Variants in PACRG observed in about 807,000 individuals in gnomAD.
The protein encoded by PACRG is parkin coregulated.
Under a neutral mutation model 29.7 loss-of-function variants are expected in PACRG, and 29 were observed. The observed-to-expected ratio is 0.98, with a 90% CI of 0.73 to 1.33. The LOEUF (loss-of-function observed/expected upper bound fraction) is 1.33. PACRG is among the 40% of genes most tolerant of loss of function. The pLI is 0.00. For synonymous variants in PACRG, 116 were observed against 118.7 expected (o/e 0.98, Z 0.15); for missense variants, 279 against 316.2 (o/e 0.88, Z 0.89).
intron 2 of PACRG, among the ~76,000 whole-genome samples, chr6:162,950,749 T>C (rs1025598661): frequency 6.6e-6 from 1 of 152,218 alleles, no homozygotes; most frequent in Non-Finnish European, 1.5e-5. Flanking sequence ...TACAAACTGA[T>C]ATTTTAAACT....
chr6:162,810,992 CG>C (rs1365121092), intron 1 of PACRG, among the ~76,000 whole-genome samples: 1 of 151,956 alleles, frequency 6.6e-6, no homozygotes, highest in African/African-American at 2.4e-5. Context: ...AAAGGCACAT[CG>C]TAATTAAACT....
At chr6:162,845,916 A>G (rs893517426) in intron 2 of PACRG, among the ~76,000 whole-genome samples, 2 of 152,190 alleles carry the variant, frequency 1.3e-5, no homozygotes, top group Admixed American at 6.5e-5. Context: ...ATCATTAGAG[A>G]GTTGCTGTGT....
chr6:163,007,563 T>C (rs191384134), intron 2 of PACRG, among the ~76,000 whole-genome samples: 1 of 152,282 alleles, frequency 6.6e-6, no homozygotes, highest in African/African-American at 2.4e-5. Flanking sequence ...TGGACTCTGC[T>C]GGGATCCCCT....
intron 2 of PACRG, among the ~76,000 whole-genome samples, chr6:162,999,843 C>G (rs1403058308): frequency 1.3e-5 from 2 of 152,128 alleles, no homozygotes; most frequent in Non-Finnish European, 2.9e-5. Context: ...ATTTTGCAGT[C>G]TTTAGTGTGA....
chr6:162,918,562 G>A (rs1051652926), intron 2 of PACRG, among the ~76,000 whole-genome samples: 1 of 152,138 alleles, frequency 6.6e-6, no homozygotes, highest in Non-Finnish European at 1.5e-5. Context: ...AGTATGCTGG[G>A]GAGGAGCATA....
rs546070748 is a variant in PACRG at position 162,733,674 on chromosome 6, A to G, written c.156+5283A>G. The stretch of plus-strand genomic sequence containing the variant: ...CTGCCCACCCTTGCTGCTTTATGCA[A>G]CTCTGCTGGCCCTGCCTCCGGAACT... On this transcript the variant is annotated intron_variant, in intron 1 of 4. Coordinates refer to ENST00000366888, the MANE Select transcript of PACRG (RefSeq NM_001080379.2). 4.0e-5 allele frequency among the ~76,000 whole-genome samples: 6 copies of G among 151,858 alleles called. No individual in the cohort carries two copies. The South Asian group carries it at 8.3e-4, about 21-fold the overall frequency.
chr6:163,296,405 C>G (rs1235641158), intron 4 of PACRG, among the ~76,000 whole-genome samples: 1 of 152,146 alleles, frequency 6.6e-6, no homozygotes, highest in Non-Finnish European at 1.5e-5. Flanking sequence ...AAGCAGTTCT[C>G]TGCCTCAGCC....
Position 162,920,285 on chromosome 6 carries a change from C to G in PACRG, c.291+106004C>G, listed in dbSNP as rs145942462. 3.5e-3 allele frequency among the ~76,000 whole-genome samples: 528 copies of G among 152,196 alleles called. 5 individuals are homozygous for G. Among genetic ancestry groups the G allele is most frequent in the African/African-American group, 0.011 (475 of 41,534 alleles). ...GCACAATTAATTAAACTCCCCGAAGCCTGAATGCTTTTGTCTGACAAAAGA... is the reference window on the plus strand; with the variant it reads ...GCACAATTAATTAAACTCCCCGAAGGCTGAATGCTTTTGTCTGACAAAAGA... On this transcript the variant is annotated intron_variant, in intron 2 of 4. Transcript: ENST00000366888.
chr6:163,070,797 G>A (rs527730614), intron 3 of PACRG, among the ~76,000 whole-genome samples: 1 of 151,416 alleles, frequency 6.6e-6, no homozygotes, highest in Admixed American at 6.6e-5. Flanking sequence ...CTAATGATCT[G>A]TTACAAAAAA....
rs1779159015 is a variant in PACRG, at chr6:163,172,993, G to A, written c.613+83585G>A. On this transcript the variant is annotated intron_variant, in intron 4 of 4. Coordinates refer to ENST00000366888, the MANE Select transcript of PACRG (RefSeq NM_001080379.2). Reference sequence around the variant, plus strand: ...GAATATTATATCACCATTTAAATGAGTGGAGAGTATCTAAGAACATGATAA... The same window carrying A: ...GAATATTATATCACCATTTAAATGAATGGAGAGTATCTAAGAACATGATAA... Among the ~76,000 whole-genome samples, 4 of 152,214 alleles carry A rather than the reference G, an allele frequency of 2.6e-5. No homozygotes were observed. In the South Asian group the frequency reaches 8.3e-4, roughly 32 times the overall value.
chr6:163,257,545 G>C (rs748080715), intron 4 of PACRG, among the ~76,000 whole-genome samples: 2 of 152,058 alleles, frequency 1.3e-5, no homozygotes, highest in African/African-American at 2.4e-5. Context: ...ATCAAACTAC[G>C]TTCATTGCTG....
chr6:162,821,562 A>G (rs1022725879), intron 2 of PACRG, among the ~76,000 whole-genome samples: 21 of 152,176 alleles, frequency 1.4e-4, no homozygotes, highest in African/African-American at 5.1e-4. Context: ...TGCCAAAGCT[A>G]AGCTGCCACC....
At chr6:163,044,835 A>G (rs949702655) in intron 2 of PACRG, 1 of 152,274 alleles carries the variant, frequency 6.6e-6, no homozygotes, top group East Asian at 1.9e-4. Flanking sequence ...GTCATCATGG[A>G]TTTATCCATT....
At chr6:162,896,632 G>A (rs766491618) in intron 2 of PACRG, among the ~76,000 whole-genome samples, 12 of 152,146 alleles carry the variant, frequency 7.9e-5, no homozygotes, top group Admixed American at 2.0e-4. Flanking sequence ...TATTATAAAC[G>A]TATCCATGTG....
chr6:162,789,280 G>A (rs1784753899), intron 1 of PACRG, among the ~76,000 whole-genome samples: 1 of 152,156 alleles, frequency 6.6e-6, no homozygotes, highest in South Asian at 2.1e-4. Context: ...CCTTGGCAGA[G>A]CTTTGCTATA....
At chr6:163,073,285 A>T (rs571430531) in intron 3 of PACRG, among the ~76,000 whole-genome samples, 1 of 152,186 alleles carries the variant, frequency 6.6e-6, no homozygotes, top group Non-Finnish European at 1.5e-5. Flanking sequence ...AAGTCCATAC[A>T]TCTACAGTGA....
chr6:163,099,688 T>C (rs1316642432), intron 4 of PACRG, among the ~76,000 whole-genome samples: 2 of 152,208 alleles, frequency 1.3e-5, no homozygotes, highest in East Asian at 1.9e-4. Context: ...AAAGTAAGAA[T>C]GTCACCAAGT....
At chr6:162,744,988 A>T (rs1430678920) in intron 1 of PACRG, among the ~76,000 whole-genome samples, 2 of 152,114 alleles carry the variant, frequency 1.3e-5, no homozygotes, top group African/African-American at 4.8e-5. Context: ...ATATTTATTT[A>T]TACTTCCTTT....
At chr6:163,089,046 G>T (rs1463130775) in intron 3 of PACRG, among the ~76,000 whole-genome samples, 1 of 152,104 alleles carries the variant, frequency 6.6e-6, no homozygotes, top group Non-Finnish European at 1.5e-5. Flanking sequence ...AGAAATCAGT[G>T]CCAATGGGGA....
Sources: gnomAD v4.1 joint callset for allele counts (sites outside exome capture counted in the v4.1 genomes callset) on GRCh38, gnomAD v4.1.1 for gene constraint, MANE v1.5 for transcripts, NCBI Gene and HGNC (gene_info 2026-07-23, HGNC 2026-07-21) for gene names.